Variants in CUEDC1 observed in about 807,000 individuals in gnomAD.
CUEDC1 encodes the protein CUE domain containing 1.
A neutral mutation model predicts 43.7 loss-of-function variants in CUEDC1; 30 were observed. The ratio of observed to expected loss-of-function variants is 0.69; its 90% CI spans 0.51 to 0.93. CUEDC1 has a LOEUF of 0.93. CUEDC1 is among the 40% of genes least tolerant of loss of function. The pLI, the probability that CUEDC1 is intolerant of heterozygous loss-of-function variation, is 0.00. For synonymous variants in CUEDC1, 223 were observed against 223.6 expected (o/e 1.00, Z 0.02); for missense variants, 486 against 549.0 (o/e 0.89, Z 1.15).
chr17:57,889,610 G>GGGTGGGACACAGGAAGGTGCTGGCAATT (rs2074334421), intron 1 of CUEDC1, among the ~76,000 whole-genome samples: 1 of 152,216 alleles, frequency 6.6e-6, no homozygotes, highest in Admixed American at 6.5e-5. Context: ...GGAGGGAGTT[G>GGGTGGGACACAGGAAGGTGCTGGCAATT]CCCAAGGACA....
intron 1 of CUEDC1, among the ~76,000 whole-genome samples, chr17:57,934,736 C>G (rs1400587652): frequency 6.6e-6 from 1 of 152,158 alleles, no homozygotes; most frequent in African/African-American, 2.4e-5. Context: ...GAGACAGAAT[C>G]TCACTCTGTT....
At chr17:57,902,835 T>C (rs1345610018) in intron 1 of CUEDC1, among the ~76,000 whole-genome samples, 1 of 152,190 alleles carries the variant, frequency 6.6e-6, no homozygotes, top group African/African-American at 2.4e-5. Flanking sequence ...AACAATCCTA[T>C]GAAGTAGGGA....
intron 1 of CUEDC1, among the ~76,000 whole-genome samples, chr17:57,944,987 C>T (rs1388517917): frequency 6.6e-6 from 1 of 152,178 alleles, no homozygotes; most frequent in Non-Finnish European, 1.5e-5. Flanking sequence ...TCACACTGGC[C>T]TCAACAATGT....
intron 1 of CUEDC1, among the ~76,000 whole-genome samples, chr17:57,934,169 G>T (rs1372459728): frequency 1.3e-5 from 2 of 152,162 alleles, no homozygotes; most frequent in African/African-American, 4.8e-5. Context: ...CAAGGCAGGA[G>T]GATCATGAGG....
rs1202258228 is a variant in CUEDC1, at chr17:57,866,803, T to C, written c.1094-259A>G. The stretch of plus-strand genomic sequence containing the variant: ...TCTTTGGGCCTCAAATTTCCTCATC[T>C]ATAAAATGGGATGGAAAAGCTGGAC... On this transcript the variant is annotated intron_variant, in intron 9 of 10. Transcript: ENST00000577830. 3 of 499,186 alleles carry C rather than the reference T, an allele frequency of 6.0e-6. No homozygotes were observed. The Admixed American group carries it at 1.0e-4, about 17-fold the overall frequency. 30.9% of individuals were successfully genotyped at this position (499,186 alleles called of 1,614,324 possible). A position where few individuals can be genotyped will look rare whatever the true frequency, so the allele number is the denominator to read the frequency against.
At chr17:57,867,873 C>T (rs1046792145) in intron 8 of CUEDC1, among the ~76,000 whole-genome samples, 1 of 152,098 alleles carries the variant, frequency 6.6e-6, no homozygotes, top group Non-Finnish European at 1.5e-5. Context: ...AGTACATAAC[C>T]TCAGACCAAA....
intron 1 of CUEDC1, among the ~76,000 whole-genome samples, chr17:57,888,642 C>T (rs11654223): frequency 0.13 from 19,405 of 152,294 alleles, 1,538 homozygotes; most frequent in Non-Finnish European, 0.17. Flanking sequence ...TATGCAGCTT[C>T]GCCTGGGCTC....
Position 57,924,448 on chromosome 17 carries a change from C to T in CUEDC1, c.-316+30777G>A, listed in dbSNP as rs547739315. Among the ~76,000 whole-genome samples, 445 of 152,268 alleles carry T rather than the reference C, an allele frequency of 2.9e-3. 1 individual carries two copies. The highest frequency in any genetic ancestry group is 0.015 in the South Asian group (70 of 4,820). The stretch of plus-strand genomic sequence containing the variant: ...TGCTGCTCAAAACTCTTAATCTCTG[C>T]GACTCATTTTACCCTTTCATTTGGG... On this transcript the variant is annotated intron_variant, in intron 1 of 10. Coordinates refer to ENST00000577830, the MANE Select transcript of CUEDC1 (RefSeq NM_001271875.2).
At chr17:57,871,992 C>G (rs141577123) in intron 5 of CUEDC1, among the ~76,000 whole-genome samples, 3 of 152,356 alleles carry the variant, frequency 2.0e-5, no homozygotes, top group African/African-American at 7.2e-5. Context: ...TGGGGCTAAC[C>G]TTGGGCCTCA....
intron 6 of CUEDC1, 111 bp downstream of exon 6, chr17:57,871,175 T>A: frequency 1.1e-6 from 1 of 870,422 alleles, no homozygotes; most frequent in Non-Finnish European, 1.9e-6. Context: ...CCAGGCCCCC[T>A]CCCACAATCT....
chr17:57,942,296 C>T (rs1003394019), intron 1 of CUEDC1, among the ~76,000 whole-genome samples: 3 of 152,172 alleles, frequency 2.0e-5, no homozygotes, highest in African/African-American at 7.2e-5. Flanking sequence ...AGAGAGGACA[C>T]CTGCCACCTT....
intron 1 of CUEDC1, among the ~76,000 whole-genome samples, chr17:57,890,835 G>C (rs747463572): frequency 6.6e-6 from 1 of 152,364 alleles, no homozygotes. Flanking sequence ...GGGGCTATGA[G>C]AGCTGGGGAG....
At chr17:57,947,147 G>GA (rs34707577) in intron 1 of CUEDC1, among the ~76,000 whole-genome samples, 14,000 of 79,618 alleles carry the variant, frequency 0.18, 844 homozygotes, top group Non-Finnish European at 0.22. Flanking sequence ...GTCACCAGGA[G>GA]AAAAAAAAAA....
At chr17:57,949,715 G>A (rs1306917424) in intron 1 of CUEDC1, among the ~76,000 whole-genome samples, 2 of 151,812 alleles carry the variant, frequency 1.3e-5, no homozygotes. Context: ...TGGGACTACA[G>A]ATACATGCCA....
rs1203941241 is a variant in CUEDC1 at position 57,954,989 on chromosome 17, G to C, written c.-316+236C>G. 6.6e-6 allele frequency among the ~76,000 whole-genome samples: 1 copy of C among 151,442 alleles called. No individual in the cohort carries two copies. The highest frequency in any genetic ancestry group is 1.5e-5 in the Non-Finnish European group (1 of 67,766). Reference sequence around the variant, plus strand: ...CGCGCCCGGGGCCCGGGATGAGGTGGGGGCTCGGGAAGGAAGGGCGGGCGG... The same window carrying C: ...CGCGCCCGGGGCCCGGGATGAGGTGCGGGCTCGGGAAGGAAGGGCGGGCGG... On this transcript the variant is annotated intron_variant, in intron 1 of 10. Coordinates refer to ENST00000577830, the MANE Select transcript of CUEDC1 (RefSeq NM_001271875.2). The surrounding 1 kb of genome is among the most constrained non-coding windows in gnomAD (Gnocchi z 4.3).
chr17:57,948,594 G>A (rs536392804), intron 1 of CUEDC1, among the ~76,000 whole-genome samples: 5 of 152,164 alleles, frequency 3.3e-5, no homozygotes, highest in Non-Finnish European at 5.9e-5. Flanking sequence ...TCCGATCACC[G>A]AGCTGACATG....
intron 3 of CUEDC1, among the ~76,000 whole-genome samples, chr17:57,876,710 G>A (rs971985247): frequency 1.3e-5 from 2 of 152,244 alleles, no homozygotes; most frequent in South Asian, 2.1e-4. Context: ...GTCTAGCAGA[G>A]CCATCCTGGG....
chr17:57,878,316 G>A (rs147482283), intron 3 of CUEDC1, among the ~76,000 whole-genome samples: 3 of 152,286 alleles, frequency 2.0e-5, no homozygotes, highest in South Asian at 2.1e-4. Flanking sequence ...AACAGTGCCC[G>A]CCTCTGCATT....
intron 1 of CUEDC1, among the ~76,000 whole-genome samples, chr17:57,913,963 C>T (rs752954928): frequency 5.3e-5 from 8 of 152,224 alleles, no homozygotes; most frequent in Non-Finnish European, 7.3e-5. Flanking sequence ...CTCACTCCCA[C>T]GTGGCTTTGG....
Sources: allele counts gnomAD v4.1 joint callset (sites outside exome capture counted in the v4.1 genomes callset), GRCh38; gene constraint gnomAD v4.1.1; non-coding constraint Gnocchi (gnomAD v3.1); transcripts MANE v1.5; gene names NCBI Gene and HGNC (gene_info 2026-07-23, HGNC 2026-07-21).